The following NLGN1 variants were observed in gnomAD, a reference collection of about 807,000 sequenced individuals.
NLGN1 encodes neuroligin-1.
Under a neutral mutation model 65.5 loss-of-function variants are expected in NLGN1, and 12 were observed. The ratio of observed to expected loss-of-function variants is 0.18; its 90% CI spans 0.12 to 0.30. NLGN1 has a LOEUF of 0.30. NLGN1 is among the 10% of genes least tolerant of loss of function. The probability of loss-of-function intolerance (pLI) is 1.00; values close to 1 mark genes in which losing one functional copy is unlikely to be tolerated. For missense variants in NLGN1, 750 were observed against 1,007.1 expected, an observed-to-expected ratio of 0.74 and a Z score of 3.46; for synonymous variants, 350 against 359.5, an observed-to-expected ratio of 0.97 and a Z score of 0.30.
intron 4 of NLGN1, among the ~76,000 whole-genome samples, chr3:173,919,406 A>G (rs1167143963): frequency 1.3e-5 from 2 of 152,218 alleles, no homozygotes; most frequent in African/African-American, 4.8e-5. Flanking sequence ...GGTTTTTACC[A>G]TATGACAGAA....
At chr3:173,437,158 C>T (rs1369663259) in intron 2 of NLGN1, among the ~76,000 whole-genome samples, 1 of 152,190 alleles carries the variant, frequency 6.6e-6, no homozygotes, top group African/African-American at 2.4e-5. Flanking sequence ...ATTCCCAAGT[C>T]GTGATCTGTT....
intron 2 of NLGN1, among the ~76,000 whole-genome samples, chr3:173,457,750 T>A (rs1722734486): frequency 6.6e-6 from 1 of 152,076 alleles, no homozygotes; most frequent in Admixed American, 6.6e-5. Context: ...TAAGGCTATC[T>A]TATGGGTTGA....
intron 3 of NLGN1, among the ~76,000 whole-genome samples, chr3:173,635,643 ATTCT>A (rs1176430981): frequency 3.9e-5 from 6 of 152,262 alleles, no homozygotes; most frequent in Admixed American, 1.3e-4. Context: ...AAAAATCTGA[ATTCT>A]TTCTTTGTTT....
At chr3:173,521,403 A>G (rs1553874871) in intron 2 of NLGN1, among the ~76,000 whole-genome samples, 1 of 151,710 alleles carries the variant, frequency 6.6e-6, no homozygotes, top group Non-Finnish European at 1.5e-5. Flanking sequence ...TATCCCTACA[A>G]ACTTTACTTG....
At chr3:174,057,340 C>A (rs1736368705) in intron 4 of NLGN1, among the ~76,000 whole-genome samples, 1 of 151,950 alleles carries the variant, frequency 6.6e-6, no homozygotes, top group Admixed American at 6.6e-5. Context: ...TAAACCAGCA[C>A]CTTATGGAGA....
rs575003596 is a variant in NLGN1, at chr3:174,234,091, C to T, written c.647-41224C>T. Among the ~76,000 whole-genome samples the T allele has an allele frequency of 1.0e-3, 157 of 152,222 alleles. 3 individuals carry two copies. The South Asian group carries it at 0.03, about 29-fold the overall frequency. The stretch of plus-strand genomic sequence containing the variant: ...AATCTATTTGAGTCTGCAGCAACCT[C>T]AATTCTTGCTTCCTCAGAAGAAAGA... On this transcript the variant is annotated intron_variant, in intron 4 of 6. Transcript: ENST00000457714.
intron 3 of NLGN1, among the ~76,000 whole-genome samples, chr3:173,769,072 C>T (rs1351312997): frequency 6.6e-6 from 1 of 152,122 alleles, no homozygotes; most frequent in African/African-American, 2.4e-5. Flanking sequence ...AACATTTTAA[C>T]CGACCTAGAT....
At chr3:174,178,043 G>A (rs964517850) in intron 4 of NLGN1, among the ~76,000 whole-genome samples, 4 of 151,974 alleles carry the variant, frequency 2.6e-5, no homozygotes, top group South Asian at 2.1e-4. Context: ...CTTTGCCTCC[G>A]TTTCTTGATC....
intron 4 of NLGN1, among the ~76,000 whole-genome samples, chr3:173,839,958 A>C (rs1724468697): frequency 6.6e-6 from 1 of 152,248 alleles, no homozygotes; most frequent in East Asian, 1.9e-4. Flanking sequence ...TGAAATATTC[A>C]TGCGGCTAGT....
rs796169913 is a variant in NLGN1 at position 174,209,623 on chromosome 3, C to CTTTTTTTTTTTTT, written c.647-65678_647-65666dup. On this transcript the variant is annotated intron_variant, in intron 4 of 6. Transcript: ENST00000457714. ...CCCTGGTGTCTATCAACCTTTCTTT[C>CTTTTTTTTTTTTT]TTTTTTTTTTTTTTTTTTTTTTTTT... Among the ~76,000 whole-genome samples, 53 of 82,090 alleles carry CTTTTTTTTTTTTT rather than the reference C, an allele frequency of 6.5e-4. 5 individuals carry two copies. The highest frequency in any genetic ancestry group is 2.4e-3 in the African/African-American group (50 of 20,612). The allele number at this position is 82,090 out of a possible 152,430, so 53.9% of individuals were successfully genotyped here.
chr3:174,194,870 T>C (rs1455266799), intron 4 of NLGN1, among the ~76,000 whole-genome samples: 14 of 147,214 alleles, frequency 9.5e-5, no homozygotes, highest in African/African-American at 3.2e-4. Context: ...TTCTTTTTTC[T>C]TTTTTTTTGA....
chr3:173,581,091 C>T (rs1310824835), intron 2 of NLGN1, among the ~76,000 whole-genome samples: 1 of 151,970 alleles, frequency 6.6e-6, no homozygotes, highest in Non-Finnish European at 1.5e-5. Context: ...TTCCTTATCA[C>T]AAATCTGTTT....
chr3:173,730,830 G>A (rs903360059), intron 3 of NLGN1, among the ~76,000 whole-genome samples: 7 of 151,970 alleles, frequency 4.6e-5, no homozygotes, highest in African/African-American at 7.2e-5. Flanking sequence ...GCTTACTTAC[G>A]GAACATCAGA....
At chr3:173,765,646 C>T (rs1436006838) in intron 3 of NLGN1, among the ~76,000 whole-genome samples, 1 of 152,138 alleles carries the variant, frequency 6.6e-6, no homozygotes, top group Non-Finnish European at 1.5e-5. Context: ...TCCAATCTCT[C>T]TCTATAAACT....
chr3:174,094,746 TA>T (rs5854552), intron 4 of NLGN1, among the ~76,000 whole-genome samples: 14,712 of 88,568 alleles, frequency 0.17, 1,052 homozygotes, highest in African/African-American at 0.32. Flanking sequence ...TTGGCTCCGC[TA>T]AAAAAAAAAA....
chr3:173,443,342 CTA>C (rs10532919), intron 2 of NLGN1, among the ~76,000 whole-genome samples: 88,129 of 147,234 alleles, frequency 0.6, 28,452 homozygotes, highest in East Asian at 0.92. Context: ...TACACTATGA[CTA>C]TATATATAGT....
intron 4 of NLGN1, among the ~76,000 whole-genome samples, chr3:174,258,427 G>A (rs898500019): frequency 2.0e-5 from 3 of 152,252 alleles, no homozygotes; most frequent in Admixed American, 6.5e-5. Context: ...CAGACGTTAA[G>A]ATTAGTGTGT....
downstream of NLGN1, among the ~76,000 whole-genome samples, chr3:174,290,469 T>A (rs555421916): frequency 4.6e-5 from 7 of 151,248 alleles, no homozygotes; most frequent in African/African-American, 1.7e-4. Context: ...ACATTTTAAA[T>A]GTCTCAGAAT....
chr3:173,974,644 T>C (rs1196744806), intron 4 of NLGN1, among the ~76,000 whole-genome samples: 5 of 151,998 alleles, frequency 3.3e-5, no homozygotes, highest in Non-Finnish European at 7.4e-5. Context: ...GTGATTACTT[T>C]TGGGGGGGTG....
Sources: allele counts gnomAD v4.1 joint callset (sites outside exome capture counted in the v4.1 genomes callset), GRCh38; gene constraint gnomAD v4.1.1; transcripts MANE v1.5; gene names NCBI Gene and HGNC (gene_info 2026-07-23, HGNC 2026-07-21).